The following MDGA2 variants were observed in gnomAD, a reference collection of about 807,000 sequenced individuals.
The protein encoded by MDGA2 is MAM domain-containing glycosylphosphatidylinositol anchor protein 2.
In MDGA2, 40 loss-of-function variants were observed where a neutral mutation model predicts 117.8. The observed-to-expected ratio is 0.34, with a 90% CI of 0.26 to 0.44. The LOEUF (loss-of-function observed/expected upper bound fraction) is 0.44. Ranked by LOEUF, MDGA2 falls within the 20% of genes least tolerant of loss-of-function variation. MDGA2 has a pLI of 1.00. For missense variants in MDGA2, 1,123 were observed against 1,250.6 expected (o/e 0.90, Z 1.54); for synonymous variants, 452 against 439.0 (o/e 1.03, Z -0.37).
rs983987166 is a variant in MDGA2, at chr14:47,006,426, T to C, written c.1819+28585A>G. On this transcript the variant is annotated intron_variant, in intron 8 of 16. Coordinates refer to ENST00000399232, the MANE Select transcript of MDGA2 (RefSeq NM_001113498.3). ...TAAAATTATATTTATAATTATATTATATGTATATGTTTTAATTATAATTAT... is the reference window on the plus strand; with the variant it reads ...TAAAATTATATTTATAATTATATTACATGTATATGTTTTAATTATAATTAT... 1.2e-4 allele frequency among the ~76,000 whole-genome samples: 17 copies of C among 146,342 alleles called. No homozygotes were observed. The East Asian group carries it at 2.4e-3, about 20-fold the overall frequency.
chr14:46,970,201 C>T (rs1886210615), intron 8 of MDGA2, among the ~76,000 whole-genome samples: 1 of 151,658 alleles, frequency 6.6e-6, no homozygotes, highest in African/African-American at 2.4e-5. Flanking sequence ...AAAAAACAAT[C>T]CTGGAATTTG....
chr14:47,541,712 G>T (rs779082402), intron 1 of MDGA2, among the ~76,000 whole-genome samples: 3 of 152,166 alleles, frequency 2.0e-5, no homozygotes, highest in Admixed American at 6.5e-5. Flanking sequence ...TTGAAGAAAT[G>T]TCTTCATCTA....
chr14:47,065,286 C>T (rs1254769611), intron 6 of MDGA2, among the ~76,000 whole-genome samples: 1 of 152,102 alleles, frequency 6.6e-6, no homozygotes, highest in East Asian at 1.9e-4. Flanking sequence ...TCTAATTGCA[C>T]TTACTGAAAT....
chr14:47,364,408 G>A (rs1362304564), intron 1 of MDGA2, among the ~76,000 whole-genome samples: 1 of 152,178 alleles, frequency 6.6e-6, no homozygotes, highest in Non-Finnish European at 1.5e-5. Context: ...GGGACTACAG[G>A]TGCCCAACAC....
At chr14:47,324,280 G>C (rs983275514) in intron 1 of MDGA2, among the ~76,000 whole-genome samples, 4 of 152,178 alleles carry the variant, frequency 2.6e-5, no homozygotes, top group Non-Finnish European at 5.9e-5. Context: ...TGATGCAAAA[G>C]TATAAAAAAC....
At chr14:47,285,262 G>A (rs976827170) in intron 2 of MDGA2, among the ~76,000 whole-genome samples, 5 of 152,228 alleles carry the variant, frequency 3.3e-5, no homozygotes, top group Admixed American at 6.5e-5. Flanking sequence ...ACTATGGCTA[G>A]TTGTCAGTAT....
rs1883354829 is a variant in MDGA2 at position 47,155,885 on chromosome 14, CTTCTTTTTTTTTTTTTT to C, written c.596-11628_596-11612del. ...ACAATTCTTTTCTTTTCTTCTTCTTCTTCTTTTTTTTTTTTTTTTTTTTTTTTTTTTTTTTTTTTTTT... is the reference window on the plus strand; with the variant it reads ...ACAATTCTTTTCTTTTCTTCTTCTTCTTTTTTTTTTTTTTTTTTTTTTTTT... On this transcript the variant is annotated intron_variant, in intron 3 of 16. Transcript: ENST00000399232. 1.7e-3 allele frequency among the ~76,000 whole-genome samples: 140 copies of C among 80,396 alleles called. 5 individuals carry two copies. Among genetic ancestry groups the C allele is most frequent in the East Asian group, 5.7e-3 (12 of 2,112 alleles). The allele number at this position is 80,396 out of a possible 152,430, so 52.7% of individuals were successfully genotyped here.
chr14:47,572,088 T>C (rs1896031263), intron 1 of MDGA2, among the ~76,000 whole-genome samples: 1 of 152,210 alleles, frequency 6.6e-6, no homozygotes, highest in South Asian at 2.1e-4. Flanking sequence ...CATGTCTGTT[T>C]TACTGCAGAA....
At chr14:47,039,743 ATATT>A (rs1888993364) in intron 7 of MDGA2, among the ~76,000 whole-genome samples, 1 of 152,224 alleles carries the variant, frequency 6.6e-6, no homozygotes, top group African/African-American at 2.4e-5. Context: ...TAATAGACCT[ATATT>A]TATTGATAAG....
At chr14:47,010,429 T>C (rs905691791) in intron 8 of MDGA2, among the ~76,000 whole-genome samples, 4 of 152,204 alleles carry the variant, frequency 2.6e-5, no homozygotes, top group African/African-American at 4.8e-5. Context: ...ATTAGTGGAC[T>C]TACCTGGTTA....
chr14:46,894,366 G>C (rs1446946687), intron 10 of MDGA2, among the ~76,000 whole-genome samples: 3 of 151,910 alleles, frequency 2.0e-5, no homozygotes, highest in Non-Finnish European at 2.9e-5. Context: ...GTTGCTTTCA[G>C]TTTTTCCTGA....
At chr14:46,965,713 G>T (rs1462246070) in intron 8 of MDGA2, among the ~76,000 whole-genome samples, 2 of 152,130 alleles carry the variant, frequency 1.3e-5, no homozygotes, top group Non-Finnish European at 1.5e-5. Flanking sequence ...GGCCTTTGCA[G>T]TTATGATGAA....
intron 1 of MDGA2, among the ~76,000 whole-genome samples, chr14:47,438,802 T>C (rs1247381146): frequency 6.6e-6 from 1 of 152,098 alleles, no homozygotes; most frequent in Non-Finnish European, 1.5e-5. Context: ...CCAAGCTCTA[T>C]CAGGGAAAGG....
Position 46,884,979 on chromosome 14 carries a change from T to G in MDGA2, c.2239-2758A>C, listed in dbSNP as rs543988338. Among the ~76,000 whole-genome samples the G allele has an allele frequency of 2.7e-4, 41 of 151,954 alleles. No individual in the cohort carries two copies. In the South Asian group the frequency reaches 7.7e-3, roughly 28 times the overall value. Reference sequence around the variant, plus strand: ...CTCCTGCCTCGGCCCCCTGAGTAAATGGAATTACAGGCATCCACAACCACG... The same window carrying G: ...CTCCTGCCTCGGCCCCCTGAGTAAAGGGAATTACAGGCATCCACAACCACG... On this transcript the variant is annotated intron_variant, in intron 10 of 16. Coordinates refer to ENST00000399232, the MANE Select transcript of MDGA2 (RefSeq NM_001113498.3). This position sits in a 1 kb window ranked among gnomAD's most constrained non-coding sequence, Gnocchi z 4.1.
intron 1 of MDGA2, among the ~76,000 whole-genome samples, chr14:47,588,654 A>G (rs1251099254): frequency 6.6e-5 from 10 of 151,858 alleles, no homozygotes; most frequent in Non-Finnish European, 1.5e-4. Context: ...TGATTTTCAA[A>G]TATTTGCTCC....
At chr14:47,240,370 T>C (rs1887001218) in intron 2 of MDGA2, among the ~76,000 whole-genome samples, 1 of 151,848 alleles carries the variant, frequency 6.6e-6, no homozygotes, top group Admixed American at 6.6e-5. Flanking sequence ...AAGAAGAATA[T>C]TGTGCTTGTC....
chr14:47,441,635 T>C (rs10145021), intron 1 of MDGA2, among the ~76,000 whole-genome samples: 98,419 of 151,964 alleles, frequency 0.65, 32,053 homozygotes, highest in Middle Eastern at 0.74. Context: ...CCTTTCCTCA[T>C]GGAATTGACA....
chr14:47,170,450 T>C (rs1209814465), intron 3 of MDGA2, among the ~76,000 whole-genome samples: 1 of 152,216 alleles, frequency 6.6e-6, no homozygotes, highest in East Asian at 1.9e-4. Context: ...AAGAATGCTT[T>C]GACAAAGGTG....
chr14:47,051,488 T>C (rs1485961496), intron 7 of MDGA2, among the ~76,000 whole-genome samples: 1 of 151,844 alleles, frequency 6.6e-6, no homozygotes, highest in Non-Finnish European at 1.5e-5. Context: ...TATCTAACAA[T>C]GTTGAATGAA....
Sources: allele counts gnomAD v4.1 joint callset (sites outside exome capture counted in the v4.1 genomes callset), GRCh38; gene constraint gnomAD v4.1.1; non-coding constraint Gnocchi (gnomAD v3.1); transcripts MANE v1.5; gene names NCBI Gene and HGNC (gene_info 2026-07-23, HGNC 2026-07-21).